Variants in PLXDC2 observed in about 807,000 individuals in gnomAD.
PLXDC2 encodes plexin domain containing 2.
PLXDC2 carries 40 observed loss-of-function variants against 68.9 expected under a neutral mutation model. The observed-to-expected ratio is 0.58, with a 90% confidence interval of 0.45 to 0.76. PLXDC2 has a LOEUF of 0.76. Ranked by LOEUF, PLXDC2 falls within the 30% of genes least tolerant of loss-of-function variation. The probability of loss-of-function intolerance (pLI) is 0.00; values close to 1 mark genes in which losing one functional copy is unlikely to be tolerated. For missense variants in PLXDC2, 644 were observed against 661.9 expected, an observed-to-expected ratio of 0.97 and a Z score of 0.30; for synonymous variants, 243 against 234.2, an observed-to-expected ratio of 1.04 and a Z score of -0.34.
At chr10:20,207,876 C>G (rs1255310682) in intron 9 of PLXDC2, among the ~76,000 whole-genome samples, 3 of 143,842 alleles carry the variant, frequency 2.1e-5, no homozygotes, top group Non-Finnish European at 4.6e-5. Context: ...GAGAGATTGT[C>G]TTCTGTGTTG....
At chr10:20,268,217 C>G (rs1835895170) in intron 13 of PLXDC2, among the ~76,000 whole-genome samples, 1 of 152,056 alleles carries the variant, frequency 6.6e-6, no homozygotes, top group Non-Finnish European at 1.5e-5. Context: ...ATTTCAACCT[C>G]TGAATTGATT....
chr10:19,833,200 A>G (rs984672243), intron 1 of PLXDC2, among the ~76,000 whole-genome samples: 7 of 152,218 alleles, frequency 4.6e-5, no homozygotes, highest in African/African-American at 1.7e-4. Context: ...CTATATTTCA[A>G]AGTACCAGAC....
intron 1 of PLXDC2, among the ~76,000 whole-genome samples, chr10:19,861,135 A>G (rs951760170): frequency 6.6e-6 from 1 of 151,660 alleles, no homozygotes; most frequent in African/African-American, 2.4e-5. Context: ...CCCGGGTTCA[A>G]GTGATTCTCC....
At chr10:19,827,307 C>T (rs988419560) in intron 1 of PLXDC2, among the ~76,000 whole-genome samples, 12 of 152,144 alleles carry the variant, frequency 7.9e-5, no homozygotes, top group Admixed American at 1.3e-4. Context: ...TGGGACAAAC[C>T]GGTCCTCCTT....
intron 2 of PLXDC2, among the ~76,000 whole-genome samples, chr10:20,041,779 G>A (rs1351986496): frequency 1.3e-5 from 2 of 152,056 alleles, no homozygotes; most frequent in South Asian, 2.1e-4. Context: ...AGCTGTTTGG[G>A]TTCTTAGTGA....
intron 3 of PLXDC2, among the ~76,000 whole-genome samples, chr10:20,063,909 C>CT (rs1836149927): frequency 6.6e-6 from 1 of 152,126 alleles, no homozygotes; most frequent in African/African-American, 2.4e-5. Context: ...AGACGTAATA[C>CT]TTTTTTTGTT....
chr10:20,194,190 C>CTGTGTGTGTGTGTGTG (rs58142621), intron 9 of PLXDC2, among the ~76,000 whole-genome samples: 2,307 of 143,674 alleles, frequency 0.016, 31 homozygotes, highest in East Asian at 0.054. Context: ...TTGAACTCAG[C>CTGTGTGTGTGTGTGTG]TGTGTGTGTG....
intron 9 of PLXDC2, among the ~76,000 whole-genome samples, chr10:20,182,389 G>A (rs577256712): frequency 2.0e-5 from 3 of 151,830 alleles, no homozygotes; most frequent in African/African-American, 4.8e-5. Context: ...TTCACTCAAC[G>A]TAACATTTTT....
At chr10:20,171,448 C>A (rs549783372) in intron 7 of PLXDC2, among the ~76,000 whole-genome samples, 1 of 152,124 alleles carries the variant, frequency 6.6e-6, no homozygotes, top group African/African-American at 2.4e-5. Flanking sequence ...AAAGGCTCAA[C>A]AAAAGCAGAA....
intron 1 of PLXDC2, among the ~76,000 whole-genome samples, chr10:19,977,647 G>A (rs1834480767): frequency 6.6e-6 from 1 of 152,094 alleles, no homozygotes; most frequent in Non-Finnish European, 1.5e-5. Context: ...TGGGAAATTC[G>A]AGATCCAGGT....
intron 7 of PLXDC2, among the ~76,000 whole-genome samples, chr10:20,173,232 A>G (rs1459007128): frequency 1.3e-5 from 2 of 152,226 alleles, no homozygotes; most frequent in Non-Finnish European, 2.9e-5. Flanking sequence ...ATACAACCAT[A>G]TGGAGCCAGT....
chr10:20,224,652 A>C (rs902070657), intron 12 of PLXDC2, among the ~76,000 whole-genome samples: 2 of 152,216 alleles, frequency 1.3e-5, no homozygotes, highest in South Asian at 2.1e-4. Flanking sequence ...TCAGTCTAGC[A>C]AATTGAATTG....
intron 6 of PLXDC2, among the ~76,000 whole-genome samples, chr10:20,160,873 C>T (rs1834281850): frequency 6.6e-6 from 1 of 152,070 alleles, no homozygotes; most frequent in Admixed American, 6.6e-5. Flanking sequence ...CCTGTAGTCC[C>T]AGCTACTAGG....
At chr10:20,215,756 T>C (rs1007887961) in intron 10 of PLXDC2, among the ~76,000 whole-genome samples, 1 of 151,840 alleles carries the variant, frequency 6.6e-6, no homozygotes, top group Non-Finnish European at 1.5e-5. Flanking sequence ...CAGCCCAGAG[T>C]CAAGTAAGTA....
intron 1 of PLXDC2, among the ~76,000 whole-genome samples, chr10:19,952,061 G>A (rs892150800): frequency 1.3e-4 from 20 of 152,026 alleles, no homozygotes; most frequent in Non-Finnish European, 2.5e-4. Context: ...GTACTTGGGT[G>A]ACAAAATCAG....
chr10:20,010,854 A>G (rs1000447872), intron 2 of PLXDC2, among the ~76,000 whole-genome samples: 1 of 152,186 alleles, frequency 6.6e-6, no homozygotes, highest in Non-Finnish European at 1.5e-5. Context: ...TTCCATAGCC[A>G]TTCATGAGGA....
At chr10:20,230,592 A>C (rs1465503235) in intron 12 of PLXDC2, among the ~76,000 whole-genome samples, 1 of 148,422 alleles carries the variant, frequency 6.7e-6, no homozygotes, top group Non-Finnish European at 1.5e-5. Context: ...GGATCTCCTG[A>C]GCCCAGGAGG....
At chr10:20,070,183 TA>T (rs1431324310) in intron 4 of PLXDC2, among the ~76,000 whole-genome samples, 2 of 152,186 alleles carry the variant, frequency 1.3e-5, no homozygotes, top group African/African-American at 4.8e-5. Context: ...CAAAATGCCA[TA>T]AGGGATAGTT....
intron 1 of PLXDC2, among the ~76,000 whole-genome samples, chr10:19,903,688 T>G (rs1838196331): frequency 6.8e-6 from 1 of 147,128 alleles, no homozygotes; most frequent in East Asian, 2.0e-4. Context: ...TTAGTTCTGC[T>G]CTCATCTTCA....
Sources: gnomAD v4.1 joint callset for allele counts (sites outside exome capture counted in the v4.1 genomes callset) on GRCh38, gnomAD v4.1.1 for gene constraint, MANE v1.5 for transcripts, NCBI Gene and HGNC (gene_info 2026-07-23, HGNC 2026-07-21) for gene names.